NUP62CL: variants seen among roughly 807,000 people sequenced by gnomAD.
The protein encoded by NUP62CL is nucleoporin 62 C-terminal like, also known as nucleoporin-62 C-terminal-like protein.
In NUP62CL, 13 loss-of-function variants were observed where a neutral mutation model predicts 15.3. The ratio of observed to expected loss-of-function variants is 0.85; its 90% CI spans 0.55 to 1.35. The LOEUF is 1.35. Ranked by LOEUF, NUP62CL falls within the 40% of genes most tolerant of loss-of-function variation. The probability of loss-of-function intolerance (pLI) is 0.00; values close to 1 mark genes in which losing one functional copy is unlikely to be tolerated. For synonymous variants in NUP62CL, 54 were observed against 49.2 expected, an observed-to-expected ratio of 1.10 and a Z score of -0.41; for missense variants, 123 against 130.6, an observed-to-expected ratio of 0.94 and a Z score of 0.28.
intron 3 of NUP62CL, among the ~76,000 whole-genome samples, chrX:107,169,701 G>C (rs1314618214): frequency 9.0e-6 from 1 of 111,368 alleles, no homozygotes; most frequent in Non-Finnish European, 1.9e-5. Flanking sequence ...TACCTGAAAG[G>C]AAAACCTTCC....
chrX:107,129,900 A>G (rs993539243), intron 8 of NUP62CL, among the ~76,000 whole-genome samples: 3 of 112,161 alleles, frequency 2.7e-5, no homozygotes, highest in Non-Finnish European at 3.8e-5. Flanking sequence ...TAAGAACAGG[A>G]TGCTATTTAC....
chrX:107,152,966 C>G (rs1926082708), intron 7 of NUP62CL, among the ~76,000 whole-genome samples: 1 of 111,838 alleles, frequency 8.9e-6, no homozygotes, highest in South Asian at 3.7e-4. Flanking sequence ...AACAAAATTG[C>G]CAGAATGATT....
chrX:107,174,714 A>AG (rs1926743910), intron 3 of NUP62CL, among the ~76,000 whole-genome samples: 1 of 111,562 alleles, frequency 9.0e-6, no homozygotes, highest in East Asian at 2.8e-4. Context: ...CACTATAGCA[A>AG]GGCTCCTACA....
chrX:107,165,495 G>A (rs1247166315), intron 4 of NUP62CL, among the ~76,000 whole-genome samples: 4 of 110,511 alleles, frequency 3.6e-5, no homozygotes, highest in Non-Finnish European at 7.6e-5. Context: ...ATGTTACCCT[G>A]ATATCAAAAC....
chrX:107,172,572 C>T (rs944814062), intron 3 of NUP62CL, among the ~76,000 whole-genome samples: 26 of 111,248 alleles, frequency 2.3e-4, no homozygotes, highest in African/African-American at 8.2e-4. Context: ...AGTTTTCTTC[C>T]ATCTACAGCC....
At chrX:107,205,647 T>C in intron 1 of NUP62CL, among the ~76,000 whole-genome samples, 1 of 111,583 alleles carries the variant, frequency 9.0e-6, no homozygotes, top group Non-Finnish European at 1.9e-5. Context: ...CTATTGATCA[T>C]GGCTAATCAG....
chrX:107,191,076 T>TCATGTA (rs1927227643), intron 2 of NUP62CL, among the ~76,000 whole-genome samples: 4 of 103,116 alleles, frequency 3.9e-5, no homozygotes, highest in African/African-American at 1.4e-4. Context: ...AGTAGGTGTA[T>TCATGTA]AACTTTACGG....
At chrX:107,191,699 TC>T (rs750245564) in intron 2 of NUP62CL, among the ~76,000 whole-genome samples, 1 of 100,337 alleles carries the variant, frequency 1.0e-5, no homozygotes, top group Admixed American at 1.2e-4. Flanking sequence ...AGAGTGAGAC[TC>T]CATCTCAAAA....
chrX:107,177,261 T>C (rs1420193743), intron 2 of NUP62CL, among the ~76,000 whole-genome samples: 1 of 111,779 alleles, frequency 8.9e-6, no homozygotes, highest in Non-Finnish European at 1.9e-5. Flanking sequence ...AATTACATAA[T>C]GTACACAAAA....
At chrX:107,197,138 T>C (rs1927376249) in intron 1 of NUP62CL, among the ~76,000 whole-genome samples, 1 of 112,198 alleles carries the variant, frequency 8.9e-6, no homozygotes, top group South Asian at 3.7e-4. Context: ...AGGCTCTATA[T>C]ATCTTTTATC....
rs1008780246 is a variant in NUP62CL, at chrX:107,146,500, G to A, written c.*42+1243C>T. Among the ~76,000 whole-genome samples the A allele has an allele frequency of 3.6e-5, 4 of 111,846 alleles. 1 individual carries two copies. The highest frequency in any genetic ancestry group is 9.5e-5 in the Admixed American group (1 of 10,531). On this transcript the variant is annotated intron_variant, in intron 8 of 8. Transcript: ENST00000372466. Reference sequence around the variant, plus strand: ...AGAAATGACAGTTTGAACATTTTACGAATGAGGCAGGTGTTCAAGATGAGA... The same window carrying A: ...AGAAATGACAGTTTGAACATTTTACAAATGAGGCAGGTGTTCAAGATGAGA...
At chrX:107,189,945 G>GAAAGAGAA (rs780904593) in intron 2 of NUP62CL, among the ~76,000 whole-genome samples, 2 of 88,758 alleles carry the variant, frequency 2.3e-5, no homozygotes, top group East Asian at 7.2e-4. Flanking sequence ...AAGAAAGAAA[G>GAAAGAGAA]AGAATCGATA....
intron 8 of NUP62CL, among the ~76,000 whole-genome samples, chrX:107,136,486 A>G (rs1428440723): frequency 8.9e-6 from 1 of 112,046 alleles, no homozygotes; most frequent in Non-Finnish European, 1.9e-5. Context: ...AAATTCTACC[A>G]AGCACTTAAA....
intron 2 of NUP62CL, among the ~76,000 whole-genome samples, chrX:107,189,945 G>GAAAGAAAGAAAGAAAGAAAGAAAA (rs780904593): frequency 2.0e-4 from 18 of 88,791 alleles, no homozygotes; most frequent in African/African-American, 6.3e-4. Context: ...AAGAAAGAAA[G>GAAAGAAAGAAAGAAAGAAAGAAAA]AGAATCGATA....
intron 1 of NUP62CL, among the ~76,000 whole-genome samples, chrX:107,197,308 A>G (rs1927379310): frequency 8.9e-6 from 1 of 111,846 alleles, no homozygotes; most frequent in Non-Finnish European, 1.9e-5. Flanking sequence ...GAAATTATTC[A>G]GTATTCCCTA....
chrX:107,159,886 T>G (rs1335900844), intron 4 of NUP62CL, among the ~76,000 whole-genome samples: 1 of 103,488 alleles, frequency 9.7e-6, no homozygotes, highest in Non-Finnish European at 2.0e-5. Context: ...AAAACCCCAT[T>G]GTCTCAGCCC....
intron 8 of NUP62CL, among the ~76,000 whole-genome samples, chrX:107,127,633 T>G (rs1014678017): frequency 1.8e-5 from 2 of 111,521 alleles, no homozygotes; most frequent in Non-Finnish European, 3.8e-5. Context: ...CTAGAAACTG[T>G]AATTAATGCT....
intron 3 of NUP62CL, among the ~76,000 whole-genome samples, chrX:107,171,722 T>C (rs944781537): frequency 9.0e-6 from 1 of 111,162 alleles, no homozygotes; most frequent in Non-Finnish European, 1.9e-5. Flanking sequence ...AGCCAAACCA[T>C]ATCATGGTGC....
chrX:107,138,075 A>T (rs1925681938), intron 8 of NUP62CL, among the ~76,000 whole-genome samples: 2 of 111,758 alleles, frequency 1.8e-5, no homozygotes, highest in South Asian at 3.7e-4. Flanking sequence ...TTGAGGAAGG[A>T]TACTTTTTCA....
Sources: gnomAD v4.1 joint callset for allele counts (sites outside exome capture counted in the v4.1 genomes callset) on GRCh38, gnomAD v4.1.1 for gene constraint, MANE v1.5 for transcripts, NCBI Gene and HGNC (gene_info 2026-07-23, HGNC 2026-07-21) for gene names.